ADGRB1: variants seen among roughly 807,000 people sequenced by gnomAD.
The protein encoded by ADGRB1 is brain-specific angiogenesis inhibitor 1.
ADGRB1 carries 36 observed loss-of-function variants against 175.7 expected under a neutral mutation model. The ratio of observed to expected loss-of-function variants is 0.20; its 90% confidence interval spans 0.16 to 0.27. The LOEUF (loss-of-function observed/expected upper bound fraction) is 0.27. Among genes scored for constraint, ADGRB1 ranks in the 10% least tolerant of loss-of-function variants. ADGRB1 has a pLI of 1.00. For missense variants in ADGRB1, 1,731 were observed against 2,255.3 expected (o/e 0.77, Z 4.71); for synonymous variants, 1,054 against 979.4 (o/e 1.08, Z -1.42).
chr8:142,482,147 T>C (rs1212156032), intron 11 of ADGRB1, among the ~76,000 whole-genome samples: 1 of 148,308 alleles, frequency 6.7e-6, no homozygotes, highest in African/African-American at 2.5e-5. Flanking sequence ...AACTGAGCCC[T>C]GATCCTGATC....
At chr8:142,512,601 C>T (rs1009061484) in intron 18 of ADGRB1, among the ~76,000 whole-genome samples, 1 of 152,208 alleles carries the variant, frequency 6.6e-6, no homozygotes, top group African/African-American at 2.4e-5. Flanking sequence ...AGGCTTGTCT[C>T]TGACGAACTG....
At position 142,464,706 on chromosome 8, in the gene ADGRB1, T is replaced by A. The variant is rs1486276876; in HGVS notation, c.508T>A (p.Ser170Thr). 4 of 1,531,556 alleles carry A rather than the reference T, an allele frequency of 2.6e-6. No individual in the cohort carries two copies. The highest frequency in any genetic ancestry group is 2.6e-6 in the Non-Finnish European group (3 of 1,144,592). The allele number at this position is 1,531,556 out of a possible 1,614,324, so 94.9% of individuals were successfully genotyped here. A position where few individuals can be genotyped will look rare whatever the true frequency, so the allele number is the denominator to read the frequency against. ...GCCGCCGGGCCCCACCGACGACTTC[T>A]CCGTGGAGTACCTGGTGGTGGGGAA... ...AGPPGPTDDF[S>T]VEYLVVGNRN... The change falls in exon 2 of 31, where the codon TCC becomes ACC. Residue 170 changes from serine to threonine, a missense_variant. Ser to Thr is a moderately conservative substitution (Grantham distance 58, BLOSUM62 1). Transcript: ENST00000517894.
rs1840994663 is a variant in ADGRB1 at position 142,476,683 on chromosome 8, G to A, written c.1045G>A (p.Ala349Thr). The A allele has an allele frequency of 6.5e-7, 1 of 1,546,548 alleles. No individual in the cohort carries two copies. Among genetic ancestry groups the A allele is most frequent in the Admixed American group, 2.0e-5 (1 of 50,882 alleles). Residue 349 changes from alanine (A) to threonine (T), a missense_variant, in exon 4 of 31, where the codon GCC (alanine) becomes ACC (threonine). This residue lies in a region of ADGRB1 where 178 missense variants were observed against 227.8 expected (regional missense o/e 0.78). Transcript: ENST00000517894. ...CGAGCTGCAGCAGTTTGGGTTCCCA[G>A]CCCCCCAGACCGGTGAGCTGGCGGG... ...GDELQQFGFP[A>T]PQTGDPAAEE...
At chr8:142,502,196 AGTGGAG>A in intron 17 of ADGRB1, among the ~76,000 whole-genome samples, 1 of 14,292 alleles carries the variant, frequency 7.0e-5, no homozygotes, top group East Asian at 2.0e-3. Context: ...TGATGATGAC[AGTGGAG>A]GTGGTGGTGG....
rs1212282615 is a variant in ADGRB1 at position 142,449,757 on chromosome 8, G to T, written c.-567G>T. On this transcript the variant is annotated 5_prime_UTR_variant, in exon 1 of 31. Transcript: ENST00000517894. ...CGGCGTTGGCGGCGGCCCCGGCGGA[G>T]CGAGCGCGGAGCCGGAGAGCCGGGA... The T allele has an allele frequency of 1.4e-5, 2 of 146,948 alleles. No individual in the cohort carries two copies. Among genetic ancestry groups the T allele is most frequent in the Non-Finnish European group, 3.0e-5 (2 of 65,842 alleles). The allele number at this position is 146,948 out of a possible 1,614,324, so 9.1% of individuals were successfully genotyped here. A position where few individuals can be genotyped will look rare whatever the true frequency, so the allele number is the denominator to read the frequency against.
intron 2 of ADGRB1, among the ~76,000 whole-genome samples, chr8:142,468,718 C>T (rs188697383): frequency 6.7e-4 from 102 of 152,354 alleles, no homozygotes; most frequent in Admixed American, 1.0e-3. Context: ...TCCTCACGCA[C>T]ATGTGACCTT....
chr8:142,535,661 T>C (rs1844881509), intron 25 of ADGRB1, among the ~76,000 whole-genome samples: 1 of 152,132 alleles, frequency 6.6e-6, no homozygotes, highest in Admixed American at 6.5e-5. Flanking sequence ...CGTCTGCCCA[T>C]GAGGCTGGGG....
chr8:142,518,322 G>C, intron 19 of ADGRB1, 81 bp downstream of exon 19: 1 of 1,458,808 alleles, frequency 6.9e-7, no homozygotes, highest in Non-Finnish European at 9.5e-7. Flanking sequence ...CACGGGCGGG[G>C]TCGTGGGTGC....
At chr8:142,501,106 G>A (rs144255919) in intron 17 of ADGRB1, among the ~76,000 whole-genome samples, 28 of 152,338 alleles carry the variant, frequency 1.8e-4, no homozygotes, top group Non-Finnish European at 2.8e-4. Flanking sequence ...CTGATGAGGC[G>A]ATGGCAGTGT....
Position 142,493,645 on chromosome 8 carries a change from C to T in ADGRB1, c.2675+2830C>T, listed in dbSNP as rs1842084068. Among the ~76,000 whole-genome samples, 1 of 152,242 alleles carries T rather than the reference C, an allele frequency of 6.6e-6. No homozygotes were observed. Among genetic ancestry groups the T allele is most frequent in the South Asian group, 2.1e-4 (1 of 4,830 alleles). Reference sequence around the variant, plus strand: ...CCTTGACCCTGCCCGGCAGCCAGGCCACGCTGCACACCTGCTGCCTGTGAG... The same window carrying T: ...CCTTGACCCTGCCCGGCAGCCAGGCTACGCTGCACACCTGCTGCCTGTGAG... On this transcript the variant is annotated intron_variant, in intron 17 of 30. Transcript: ENST00000517894. The surrounding 1 kb of genome is among the most constrained non-coding windows in gnomAD (Gnocchi z 5.0).
intron 2 of ADGRB1, among the ~76,000 whole-genome samples, chr8:142,467,262 G>C (rs1234002542): frequency 6.6e-6 from 1 of 152,246 alleles, no homozygotes; most frequent in African/African-American, 2.4e-5. Flanking sequence ...AGAGCCAGAT[G>C]GTTGGGCTGT....
Position 142,464,979 on chromosome 8 carries a change from A to G in ADGRB1, c.781A>G (p.Thr261Ala). The part of the protein sequence containing the change: ...LTQDRGGHGA[T>A]GGWKLWSLWG... ...CCAGGACCGGGGCGGGCACGGCGCC[A>G]CAGGTGAGTGACTGGCGGGGAAACC... The change falls in exon 2 of 31, where the codon ACA (threonine) becomes GCA (alanine). Residue 261 changes from threonine to alanine, a missense_variant. Thr to Ala is a moderately conservative substitution (Grantham distance 58). Transcript: ENST00000517894. 1 of 1,475,150 alleles carries G rather than the reference A, an allele frequency of 6.8e-7. No homozygotes were observed. Among genetic ancestry groups the G allele is most frequent in the Non-Finnish European group, 8.9e-7 (1 of 1,117,388 alleles). The allele number at this position is 1,475,150 out of a possible 1,614,324, so 91.4% of individuals were successfully genotyped here.
intron 17 of ADGRB1, among the ~76,000 whole-genome samples, chr8:142,497,143 C>T (rs1247737268): frequency 6.6e-6 from 1 of 152,240 alleles, no homozygotes; most frequent in Non-Finnish European, 1.5e-5. Flanking sequence ...GACTGAGGCC[C>T]AGAGTGCTCA....
rs1201951121 is a variant in ADGRB1 at position 142,464,850 on chromosome 8, G to A, written c.652G>A (p.Gly218Ser). ...GCAGACCCCCTGCGCCTGCCTGGGC[G>A]GCGAGGCGGGCGGCCCTGCCGCGGG... is the stretch of plus-strand genomic sequence containing the variant. ...IMQTPCACLG[G>S]EAGGPAAGPL... is the part of the protein sequence containing the mutation. The change falls in exon 2 of 31, where the codon GGC becomes AGC. Residue 218 changes from glycine (G) to serine (S), a missense_variant. By Grantham distance (56) the Gly-to-Ser change is moderately conservative. Transcript: ENST00000517894. 7.9e-6 allele frequency: 12 copies of A among 1,522,090 alleles called. No individual in the cohort carries two copies. In the Admixed American group the frequency reaches 2.1e-4, roughly 26 times the overall value. 94.3% of individuals were successfully genotyped at this position (1,522,090 alleles called of 1,614,324 possible).
Position 142,511,043 on chromosome 8 carries a change from C to T in ADGRB1, c.2787C>T (p.Phe929=). The change falls in exon 18 of 31, where the codon TTC becomes TTT. Residue 929 remains phenylalanine, a synonymous_variant. Coordinates refer to ENST00000517894, the MANE Select transcript of ADGRB1 (RefSeq NM_001702.3). The surrounding 1 kb of genome is among the most constrained non-coding windows in gnomAD (Gnocchi z 4.5). ...GCCTCTGTGACCGGCTCTCCACCTT[C>T]GCCATCTTAGCCCAGCTCAGCGCCG... The part of the protein sequence containing the change: ...TRCLCDRLST[F]AILAQLSADA... The T allele has an allele frequency of 1.5e-6, 2 of 1,294,858 alleles. No homozygotes were observed. The allele number at this position is 1,294,858 out of a possible 1,614,324, so 80.2% of individuals were successfully genotyped here. A position where few individuals can be genotyped will look rare whatever the true frequency, so the allele number is the denominator to read the frequency against.
intron 11 of ADGRB1, 34 bp from the exon 12 acceptor site, chr8:142,483,943 C>T (rs1841525935): frequency 4.3e-6 from 7 of 1,610,744 alleles, no homozygotes; most frequent in Non-Finnish European, 5.1e-6. Context: ...GTGCCCTGTT[C>T]TCTGTCACTG....
Position 142,504,814 on chromosome 8 carries a change from A to C in ADGRB1, c.2676-6118A>C, listed in dbSNP as rs1355068106. Among the ~76,000 whole-genome samples the C allele has an allele frequency of 6.6e-6, 1 of 151,946 alleles. No homozygotes were observed. Among genetic ancestry groups the C allele is most frequent in the Non-Finnish European group, 1.5e-5 (1 of 67,940 alleles). ...CTCCTGAGGCCAGGCCTAGAAGCCG[A>C]AGCCTCTGCCTGCAGAGACACCATT... On this transcript the variant is annotated intron_variant, in intron 17 of 30. Transcript: ENST00000517894. The surrounding 1 kb of genome is among the most constrained non-coding windows in gnomAD (Gnocchi z 5.6).
chr8:142,480,374 C>T (rs140423466), intron 9 of ADGRB1, among the ~76,000 whole-genome samples: 1 of 152,168 alleles, frequency 6.6e-6, no homozygotes, highest in Non-Finnish European at 1.5e-5. Flanking sequence ...GTGTTCTCAT[C>T]TGTAGGATGA....
chr8:142,483,327 A>G (rs62513265), intron 11 of ADGRB1, among the ~76,000 whole-genome samples: 53 of 54,490 alleles, frequency 9.7e-4, no homozygotes, highest in South Asian at 2.6e-3. Flanking sequence ...CACATGCTGA[A>G]CCCTGACCCT....
Sources: gnomAD v4.1 joint callset for allele counts (sites outside exome capture counted in the v4.1 genomes callset) on GRCh38, gnomAD v4.1.1 for gene constraint, gnomAD v4.1.1 regional missense constraint, Gnocchi (gnomAD v3.1) non-coding constraint, MANE v1.5 for transcripts, NCBI Gene and HGNC (gene_info 2026-07-23, HGNC 2026-07-21) for gene names.